Variants in GPR176 observed in about 807,000 individuals in gnomAD.
GPR176 encodes the protein G protein-coupled receptor 176.
GPR176 carries 26 observed loss-of-function variants against 35.4 expected under a neutral mutation model. The observed-to-expected ratio is 0.74, with a 90% CI of 0.54 to 1.02. The LOEUF is 1.02. Among genes scored for constraint, GPR176 ranks in the 50% least tolerant of loss-of-function variants. GPR176 has a pLI of 0.00. For missense variants in GPR176, 597 were observed against 665.3 expected (o/e 0.90, Z 1.13); for synonymous variants, 278 against 271.3 (o/e 1.02, Z -0.24).
At chr15:39,876,298 CAT>C (rs1271946396) in intron 1 of GPR176, among the ~76,000 whole-genome samples, 6 of 152,090 alleles carry the variant, frequency 3.9e-5, no homozygotes, top group Non-Finnish European at 7.4e-5. Flanking sequence ...TGATAGTAAA[CAT>C]GTGAAATAAA....
In GPR176 at chr15:39,863,557, A is replaced by T. The variant is rs181668349; in HGVS notation, c.172+56298T>A. On this transcript the variant is annotated intron_variant, in intron 1 of 2. Transcript: ENST00000561100. ...TATTAATTTATTATTAAAAGAAAGA[A>T]CATTTCAAAAATAAATTTAGCATAG... Among the ~76,000 whole-genome samples the T allele has an allele frequency of 1.1e-3, 162 of 152,274 alleles. 1 individual carries two copies. Among genetic ancestry groups the T allele is most frequent in the African/African-American group, 3.7e-3 (152 of 41,568 alleles).
intron 1 of GPR176, among the ~76,000 whole-genome samples, chr15:39,809,564 A>C (rs1469689048): frequency 3.9e-5 from 6 of 152,210 alleles, no homozygotes; most frequent in African/African-American, 9.7e-5. Flanking sequence ...TATACTTTTT[A>C]TTTTAGAGGT....
chr15:39,825,597 C>T (rs1193576730), intron 1 of GPR176, among the ~76,000 whole-genome samples: 3 of 152,238 alleles, frequency 2.0e-5, no homozygotes, highest in South Asian at 2.1e-4. Flanking sequence ...CTTTGTCCTA[C>T]AAATGGGCAC....
At position 39,882,713 on chromosome 15, in the gene GPR176, T is replaced by C. The variant is rs540017225; in HGVS notation, c.172+37142A>G. On this transcript the variant is annotated intron_variant, in intron 1 of 2. Coordinates refer to ENST00000561100, the MANE Select transcript of GPR176 (RefSeq NM_007223.3). Reference sequence around the variant, plus strand: ...AATCTTAATGTGGTGTTGTAGAAAATAGTTTCAAGTGTGAATATAATCAGA... The same window carrying C: ...AATCTTAATGTGGTGTTGTAGAAAACAGTTTCAAGTGTGAATATAATCAGA... 3.9e-5 allele frequency among the ~76,000 whole-genome samples: 6 copies of C among 152,276 alleles called. No individual in the cohort carries two copies. The East Asian group carries it at 1.2e-3, about 29-fold the overall frequency.
At chr15:39,832,650 G>A (rs1901164280) in intron 1 of GPR176, among the ~76,000 whole-genome samples, 1 of 64,534 alleles carries the variant, frequency 1.5e-5, no homozygotes, top group Admixed American at 1.6e-4. Context: ...TAGCTGATGA[G>A]CTAAACACAC....
chr15:39,812,186 G>T (rs2140794573), intron 1 of GPR176, among the ~76,000 whole-genome samples: 1 of 152,108 alleles, frequency 6.6e-6, no homozygotes, highest in East Asian at 1.9e-4. Context: ...AATGTCAACT[G>T]GACTGGATTG....
intron 1 of GPR176, among the ~76,000 whole-genome samples, chr15:39,869,478 C>A (rs1318179777): frequency 6.6e-6 from 1 of 152,152 alleles, no homozygotes; most frequent in African/African-American, 2.4e-5. Context: ...CCCAGAGGTG[C>A]AGCCCTGAGC....
intron 1 of GPR176, among the ~76,000 whole-genome samples, chr15:39,890,713 C>G (rs2032840957): frequency 6.6e-6 from 1 of 152,222 alleles, no homozygotes; most frequent in Admixed American, 6.5e-5. Context: ...GGAACCCTTA[C>G]TGACTCCTAT....
At chr15:39,856,077 C>A (rs1429364513) in intron 1 of GPR176, among the ~76,000 whole-genome samples, 1 of 152,182 alleles carries the variant, frequency 6.6e-6, no homozygotes, top group Admixed American at 6.5e-5. Context: ...GCAATTGATT[C>A]CAGAACCATG....
intron 1 of GPR176, among the ~76,000 whole-genome samples, chr15:39,839,171 T>C (rs1901591046): frequency 6.6e-6 from 1 of 152,194 alleles, no homozygotes; most frequent in Admixed American, 6.5e-5. Context: ...AGAGCCCATA[T>C]TGCCAAGACA....
intron 1 of GPR176, among the ~76,000 whole-genome samples, chr15:39,895,320 C>G (rs912163242): frequency 6.6e-6 from 1 of 151,308 alleles, no homozygotes; most frequent in African/African-American, 2.4e-5. Flanking sequence ...AGGGCGATCT[C>G]TAACTCACTT....
intron 1 of GPR176, among the ~76,000 whole-genome samples, chr15:39,889,605 AAATAAAAC>A (rs2032795755): frequency 7.5e-6 from 1 of 134,132 alleles, no homozygotes; most frequent in Non-Finnish European, 1.6e-5. Flanking sequence ...AAATAAAATA[AAATAAAAC>A]AAAACAAAAC....
At chr15:39,854,095 TC>T (rs557757582) in intron 1 of GPR176, among the ~76,000 whole-genome samples, 47 of 151,166 alleles carry the variant, frequency 3.1e-4, no homozygotes, top group Non-Finnish European at 5.8e-4. Context: ...GGAGGGAGAG[TC>T]TGTAATACAT....
chr15:39,812,329 C>G (rs577284792), intron 1 of GPR176, among the ~76,000 whole-genome samples: 1 of 152,142 alleles, frequency 6.6e-6, no homozygotes, highest in Non-Finnish European at 1.5e-5. Flanking sequence ...GCTGCCAGCA[C>G]GGCAAGAATA....
chr15:39,843,708 A>G (rs1263968033), intron 1 of GPR176, among the ~76,000 whole-genome samples: 2 of 152,180 alleles, frequency 1.3e-5, no homozygotes, highest in Non-Finnish European at 2.9e-5. Flanking sequence ...TTATTTTAGA[A>G]TACTAGACAT....
intron 1 of GPR176, among the ~76,000 whole-genome samples, chr15:39,873,547 A>G (rs1301277650): frequency 6.6e-6 from 1 of 152,084 alleles, no homozygotes; most frequent in Non-Finnish European, 1.5e-5. Flanking sequence ...TGTGAATTTC[A>G]TGGGTGACCT....
chr15:39,828,943 A>G (rs1330524614), intron 1 of GPR176: 2 of 617,278 alleles, frequency 3.2e-6, no homozygotes, highest in Non-Finnish European at 5.9e-6. Context: ...AGAAAGAATG[A>G]TACTACTAGC....
intron 1 of GPR176, among the ~76,000 whole-genome samples, chr15:39,808,936 C>T (rs935727322): frequency 1.3e-5 from 2 of 152,154 alleles, no homozygotes; most frequent in Admixed American, 6.5e-5. Flanking sequence ...GTAACAGGCA[C>T]GTTGGTACAG....
chr15:39,808,045 T>G (rs1899309746), intron 1 of GPR176, among the ~76,000 whole-genome samples: 1 of 152,166 alleles, frequency 6.6e-6, no homozygotes, highest in African/African-American at 2.4e-5. Context: ...CCGCCAGTCC[T>G]TGGCTGCTGC....
Sources: gnomAD v4.1 joint callset for allele counts (sites outside exome capture counted in the v4.1 genomes callset) on GRCh38, gnomAD v4.1.1 for gene constraint, MANE v1.5 for transcripts, NCBI Gene and HGNC (gene_info 2026-07-23, HGNC 2026-07-21) for gene names.